The following DNAH6 variants were observed in gnomAD, a reference collection of about 807,000 sequenced individuals.
DNAH6 encodes dynein axonemal heavy chain 6.
DNAH6 carries 340 observed loss-of-function variants against 491.4 expected under a neutral mutation model. That is an observed-to-expected ratio of 0.69 (90% confidence interval 0.63 to 0.76). DNAH6 has a LOEUF of 0.76. Ranked by LOEUF, DNAH6 falls within the 30% of genes least tolerant of loss-of-function variation. The pLI is 0.00. For missense variants in DNAH6, 4,443 were observed against 4,972.2 expected (o/e 0.89, Z 3.20); for synonymous variants, 1,603 against 1,686.1 (o/e 0.95, Z 1.21).
chr2:84,804,156 A>G (rs1401650808), intron 70 of DNAH6, among the ~76,000 whole-genome samples: 1 of 151,490 alleles, frequency 6.6e-6, no homozygotes, highest in Non-Finnish European at 1.5e-5. Context: ...CAGTGAGTCA[A>G]GATCACGCCA....
At chr2:84,640,616 C>G in intron 32 of DNAH6, 38 bp downstream of exon 32, 1 of 1,526,270 alleles carries the variant, frequency 6.6e-7, no homozygotes, top group Non-Finnish European at 8.8e-7. Flanking sequence ...AATCCCAAAC[C>G]ATGTGATCAA....
At chr2:84,658,523 G>T (rs755207210) in intron 36 of DNAH6, 49 bp downstream of exon 36, 14 of 1,281,532 alleles carry the variant, frequency 1.1e-5, no homozygotes, top group Admixed American at 3.5e-5. Flanking sequence ...TTAGATTATT[G>T]TATAAGTTCT....
upstream of DNAH6, among the ~76,000 whole-genome samples, chr2:84,513,918 T>C (rs902516372): frequency 5.3e-5 from 8 of 152,220 alleles, no homozygotes; most frequent in African/African-American, 1.9e-4. Flanking sequence ...GGTTTTCCTG[T>C]AGGTTTTTGT....
the DNAH6 span, among the ~76,000 whole-genome samples, chr2:84,502,442 G>A: frequency 1.3e-5 from 2 of 151,966 alleles, no homozygotes; most frequent in African/African-American, 4.8e-5. Context: ...CTAACATATC[G>A]GCTTTCCCTG....
chr2:84,577,383 T>C lies in DNAH6; in HGVS notation c.2051T>C (p.Ile684Thr), dbSNP rs1460441061. Residue 684 changes from isoleucine (I) to threonine (T), a missense_variant, in exon 13 of 77, where the codon ATT (isoleucine) becomes ACT (threonine). By Grantham distance (89) the Ile-to-Thr change is moderately conservative. This residue lies in a region of DNAH6 where 2,977 missense variants were observed against 3,296.6 expected (regional missense o/e 0.90). Transcript: ENST00000389394. Reference protein sequence around the residue: ...IDTRLLREKLIPSPLRCLEVL... With the variant: ...IDTRLLREKLTPSPLRCLEVL... ...ACTAGGCTTCTAAGAGAAAAATTAA[T>C]TCCATCACCTTTGCGATGCTTAGAG... 5.0e-6 allele frequency: 8 copies of C among 1,607,010 alleles called. No individual in the cohort carries two copies. Among genetic ancestry groups the C allele is most frequent in the Non-Finnish European group, 5.9e-6 (7 of 1,177,158 alleles).
intron 32 of DNAH6, among the ~76,000 whole-genome samples, 178 bp from the exon 33 acceptor site, chr2:84,641,769 A>G (rs542624951): frequency 3.2e-4 from 48 of 152,308 alleles, no homozygotes; most frequent in African/African-American, 1.1e-3. Flanking sequence ...CTGCATAGCC[A>G]TTGCAGGACT....
chr2:84,733,538 T>G lies in DNAH6; in HGVS notation c.10301T>G (p.Leu3434Arg). The G allele has an allele frequency of 6.4e-7, 1 of 1,551,694 alleles. No individual in the cohort carries two copies. Among genetic ancestry groups the G allele is most frequent in the Non-Finnish European group, 8.7e-7 (1 of 1,146,968 alleles). Reference protein sequence around the residue: ...LEESFPVFHGLTQNILSHPIS... With the variant: ...LEESFPVFHGRTQNILSHPIS... ...GAATCATTTCCAGTTTTTCACGGAC[T>G]TACCCAAAATATATTGTCACATCCT... Residue 3434 changes from leucine to arginine, a missense_variant, in exon 62 of 77, where the codon CTT becomes CGT. By Grantham distance (102) the Leu-to-Arg change is moderately radical. This residue lies in a region of DNAH6 where 1,463 missense variants were observed against 1,656.6 expected (regional missense o/e 0.88). Transcript: ENST00000389394.
At chr2:84,770,375 T>A (rs1354277729) in intron 64 of DNAH6, among the ~76,000 whole-genome samples, 2 of 152,116 alleles carry the variant, frequency 1.3e-5, no homozygotes, top group Non-Finnish European at 2.9e-5. Flanking sequence ...CCCTAATGAA[T>A]GCCAGACATT....
At chr2:84,692,415 A>G (rs558559384) in intron 45 of DNAH6, among the ~76,000 whole-genome samples, 113 of 125,436 alleles carry the variant, frequency 9.0e-4, no homozygotes, top group African/African-American at 3.1e-3. Context: ...AATATAAATA[A>G]GGTAGATAGA....
the DNAH6 span, chr2:84,459,628 G>A: frequency 1.2e-5 from 3 of 258,288 alleles, no homozygotes; most frequent in Non-Finnish European, 2.3e-5. Flanking sequence ...AGTGAGACCG[G>A]GGAGACAAGG....
At chr2:84,763,049 C>A in intron 64 of DNAH6, 104 bp downstream of exon 64, 1 of 813,512 alleles carries the variant, frequency 1.2e-6, no homozygotes, top group Non-Finnish European at 2.0e-6. Context: ...TTCTTACATT[C>A]AGGTATCACT....
intron 2 of DNAH6, 60 bp downstream of exon 2, chr2:84,518,111 T>A (rs963577442): frequency 3.2e-5 from 43 of 1,338,076 alleles, no homozygotes; most frequent in Non-Finnish European, 4.3e-5. Context: ...TAAAATTGCT[T>A]TGGAGGATAG....
chr2:84,658,519 T>A (rs901898057), intron 36 of DNAH6, 45 bp downstream of exon 36: 5 of 1,311,926 alleles, frequency 3.8e-6, no homozygotes, highest in Middle Eastern at 1.9e-4. Flanking sequence ...AAAATTAGAT[T>A]ATTGTATAAG....
intron 31 of DNAH6, among the ~76,000 whole-genome samples, chr2:84,638,430 C>G (rs1335014875): frequency 6.6e-6 from 1 of 152,086 alleles, no homozygotes; most frequent in Non-Finnish European, 1.5e-5. Context: ...TGTGTGACCA[C>G]CAAGACCAAA....
chr2:84,635,264 C>G (rs1688766674), intron 30 of DNAH6, among the ~76,000 whole-genome samples: 2 of 152,188 alleles, frequency 1.3e-5, no homozygotes, highest in Non-Finnish European at 2.9e-5. Context: ...ATGACTTGGA[C>G]TATAGTGAGC....
the DNAH6 span, among the ~76,000 whole-genome samples, chr2:84,486,814 G>A: frequency 6.6e-6 from 1 of 152,178 alleles, no homozygotes; most frequent in East Asian, 1.9e-4. Context: ...AGAGGAAACT[G>A]CTTCTACAAA....
intron 22 of DNAH6, among the ~76,000 whole-genome samples, chr2:84,613,297 T>G (rs1388849110): frequency 6.6e-6 from 1 of 151,970 alleles, no homozygotes. Flanking sequence ...GCTCCCAAGG[T>G]GAGTGCATGC....
At chr2:84,537,933 A>G (rs1677855057) in intron 4 of DNAH6, among the ~76,000 whole-genome samples, 1 of 152,130 alleles carries the variant, frequency 6.6e-6, no homozygotes, top group Admixed American at 6.6e-5. Context: ...GTACTGCAAC[A>G]TGATAGTATT....
At position 84,701,097 on chromosome 2, in the gene DNAH6, T is replaced by C. The variant is rs1695857824; in HGVS notation, c.7819T>C (p.Trp2607Arg). The C allele has an allele frequency of 6.5e-7, 1 of 1,548,282 alleles. No homozygotes were observed. Among genetic ancestry groups the C allele is most frequent in the Admixed American group, 2.0e-5 (1 of 50,920 alleles). Reference sequence around the variant, plus strand: ...TTCTAGATTTTTCCTTGATTCACAGTGGCCCAGAGAAGCACTTCTTTCTGT... The same window carrying C: ...TTCTAGATTTTTCCTTGATTCACAGCGGCCCAGAGAAGCACTTCTTTCTGT... ...NCCTIDWFVQ[W>R]PREALLSVSK... Residue 2607 changes from tryptophan (W) to arginine (R), a missense_variant and splice_region_variant, in exon 49 of 77, where the codon TGG becomes CGG. Trp to Arg is a moderately radical substitution (Grantham distance 101). Transcript: ENST00000389394.
Sources: gnomAD v4.1 joint callset for allele counts (sites outside exome capture counted in the v4.1 genomes callset) on GRCh38, gnomAD v4.1.1 for gene constraint, gnomAD v4.1.1 regional missense constraint, MANE v1.5 for transcripts, NCBI Gene and HGNC (gene_info 2026-07-23, HGNC 2026-07-21) for gene names.